The following GABRP variants were observed in gnomAD, a reference collection of about 807,000 sequenced individuals.
The protein encoded by GABRP is gamma-aminobutyric acid receptor subunit pi.
GABRP carries 52 observed loss-of-function variants against 47.8 expected under a neutral mutation model. That is an observed-to-expected ratio of 1.09 (90% CI 0.87 to 1.37). GABRP has a LOEUF of 1.37. Ranked by LOEUF, GABRP falls within the 40% of genes most tolerant of loss-of-function variation. GABRP has a pLI of 0.00. For synonymous variants in GABRP, 221 were observed against 205.8 expected (o/e 1.07, Z -0.63); for missense variants, 525 against 542.8 (o/e 0.97, Z 0.33).
At chr5:170,794,452 A>G (rs1006774237) in intron 4 of GABRP, 154 bp downstream of exon 4, 4 of 455,278 alleles carry the variant, frequency 8.8e-6, no homozygotes, top group Non-Finnish European at 1.6e-5. Flanking sequence ...TGCTATCTCC[A>G]AACTCAAGAC....
intron 8 of GABRP, 141 bp from the exon 9 acceptor site, chr5:170,809,427 C>A: frequency 1.3e-6 from 1 of 754,058 alleles, no homozygotes; most frequent in Non-Finnish European, 2.3e-6. Context: ...TCTAGAAGGT[C>A]GCAGACTTTT....
At chr5:170,800,362 A>C (rs774821812) in intron 6 of GABRP, among the ~76,000 whole-genome samples, 3 of 152,240 alleles carry the variant, frequency 2.0e-5, no homozygotes, top group Non-Finnish European at 4.4e-5. Flanking sequence ...TAAAGACTTA[A>C]ATGTTAGACC....
intron 3 of GABRP, among the ~76,000 whole-genome samples, chr5:170,791,050 C>T (rs919214291): frequency 6.6e-6 from 1 of 152,220 alleles, no homozygotes; most frequent in Non-Finnish European, 1.5e-5. Flanking sequence ...GTCTGCACGC[C>T]TTGGTTAGTG....
intron 1 of GABRP, among the ~76,000 whole-genome samples, chr5:170,786,809 T>G (rs559627297): frequency 1.9e-4 from 29 of 152,224 alleles, no homozygotes; most frequent in Non-Finnish European, 3.8e-4. Flanking sequence ...TATAATTAAG[T>G]TAAAAAAGTA....
chr5:170,800,634 CAATAATAGTAAT>C (rs1174379564), intron 6 of GABRP, among the ~76,000 whole-genome samples: 2 of 152,008 alleles, frequency 1.3e-5, no homozygotes, highest in African/African-American at 4.8e-5. Context: ...TTTTTGTTAA[CAATAATAGTAAT>C]AATAATAGTA....
At chr5:170,790,247 C>A (rs1032316404) in intron 3 of GABRP, among the ~76,000 whole-genome samples, 1 of 152,198 alleles carries the variant, frequency 6.6e-6, no homozygotes, top group Non-Finnish European at 1.5e-5. Context: ...ATTTAACAAA[C>A]CTGAGTTTGG....
intron 3 of GABRP, 108 bp from the exon 4 acceptor site, chr5:170,794,123 C>T: frequency 1.6e-6 from 1 of 633,738 alleles, no homozygotes; most frequent in East Asian, 3.2e-5. Context: ...ATTTTTCTAA[C>T]AACCAAGCAC....
chr5:170,782,874 A>T (rs1765043798), upstream of GABRP: 1 of 152,584 alleles, frequency 6.6e-6, no homozygotes, highest in Non-Finnish European at 1.5e-5. Flanking sequence ...TGCAAGGCCA[A>T]GCCTCCAAGG....
intron 5 of GABRP, among the ~76,000 whole-genome samples, chr5:170,796,031 A>G (rs1765417751): frequency 6.6e-6 from 1 of 152,146 alleles, no homozygotes; most frequent in Non-Finnish European, 1.5e-5. Context: ...CCTTTCACCC[A>G]ATTGTTAATG....
In GABRP at chr5:170,809,629, C is replaced by T. The variant is rs1765829195; in HGVS notation, c.894C>T (p.Asn298=). 1 of 1,614,220 alleles carries T rather than the reference C, an allele frequency of 6.2e-7. No homozygotes were observed. Among genetic ancestry groups the T allele is most frequent in the South Asian group, 1.1e-5 (1 of 91,078 alleles). The change falls in exon 9 of 10, where the codon AAC becomes AAT. Residue 298 remains asparagine, a synonymous_variant. Coordinates refer to ENST00000265294, the MANE Select transcript of GABRP (RefSeq NM_014211.3). The stretch of plus-strand genomic sequence containing the variant: ...TCGGGTCCCGCACTTCTCTTCCCAA[C>T]ACCAACTGCTTCATCAAGGCCATCG... ...LMIGSRTSLP[N]TNCFIKAIDV...
chr5:170,802,607 G>A (rs1290312553), intron 6 of GABRP, among the ~76,000 whole-genome samples: 2 of 152,156 alleles, frequency 1.3e-5, no homozygotes, highest in Admixed American at 6.5e-5. Context: ...TCCGTGTATC[G>A]TGGCTGGGCT....
At chr5:170,787,145 G>T (rs1561805587) in intron 1 of GABRP, among the ~76,000 whole-genome samples, 1 of 152,134 alleles carries the variant, frequency 6.6e-6, no homozygotes, top group Non-Finnish European at 1.5e-5. Flanking sequence ...CACATCATTG[G>T]GACTTATACT....
chr5:170,812,383 G>GCAGAAAGACTCAAA lies in GABRP; in HGVS notation c.*125_*126insCAGAAAGACTCAAA. 1.4e-6 allele frequency: 1 copy of GCAGAAAGACTCAAA among 736,838 alleles called. No individual in the cohort carries two copies. The highest frequency in any genetic ancestry group is 2.2e-6 in the Non-Finnish European group (1 of 449,042). 45.6% of individuals were successfully genotyped at this position (736,838 alleles called of 1,614,324 possible). A position where few individuals can be genotyped will look rare whatever the true frequency, so the allele number is the denominator to read the frequency against. Reference sequence around the variant, plus strand: ...TACAAGTGACTGAAATAATATTTGAGTCTTTCTGCTCAAAGAATGAAGCTC... The same window carrying GCAGAAAGACTCAAA: ...TACAAGTGACTGAAATAATATTTGAGCAGAAAGACTCAAATCTTTCTGCTCAAAGAATGAAGCTC... On this transcript the variant is annotated 3_prime_UTR_variant, in exon 10 of 10. Coordinates refer to ENST00000265294, the MANE Select transcript of GABRP (RefSeq NM_014211.3).
At position 170,789,170 on chromosome 5, in the gene GABRP, G is replaced by A. The variant is rs1446293637; in HGVS notation, c.95G>A (p.Arg32Lys). The A allele has an allele frequency of 5.0e-6, 8 of 1,614,196 alleles. No individual in the cohort carries two copies. The highest frequency in any genetic ancestry group is 6.8e-6 in the Non-Finnish European group (8 of 1,180,016). ...AGTCAGTTCAACGTCGAGGTCGGCAGAAGTGACAAGCTTTCCCTGCCTGGC... is the reference window on the plus strand; with the variant it reads ...AGTCAGTTCAACGTCGAGGTCGGCAAAAGTGACAAGCTTTCCCTGCCTGGC... ...QGSQFNVEVGRSDKLSLPGFE... is the reference protein window; with the variant it reads ...QGSQFNVEVGKSDKLSLPGFE... Residue 32 changes from arginine (R) to lysine (K), a missense_variant, in exon 3 of 10, where the codon AGA becomes AAA. Coordinates refer to ENST00000265294, the MANE Select transcript of GABRP (RefSeq NM_014211.3).
intron 6 of GABRP, among the ~76,000 whole-genome samples, chr5:170,800,688 AT>A (rs1765568423): frequency 6.6e-6 from 1 of 152,178 alleles, no homozygotes; most frequent in Non-Finnish European, 1.5e-5. Flanking sequence ...GCTCACGCCT[AT>A]AATCCCAGCA....
chr5:170,805,307 A>G (rs1765701096), intron 6 of GABRP, among the ~76,000 whole-genome samples: 1 of 152,154 alleles, frequency 6.6e-6, no homozygotes, highest in African/African-American at 2.4e-5. Context: ...ATTTATGCCA[A>G]TATAGAAATA....
At position 170,795,359 on chromosome 5, in the gene GABRP, A is replaced by G. The variant is rs201184257; in HGVS notation, c.392A>G (p.His131Arg). Residue 131 changes from histidine to arginine, a missense_variant, in exon 5 of 10, where the codon CAT becomes CGT. His to Arg is a conservative substitution (Grantham distance 29, BLOSUM62 0). Transcript: ENST00000265294. ...YIVESKKSFL[H>R]EVTVGNRLIR... ...GTGGAGTCCAAGAAGTCCTTCCTCC[A>G]TGAAGTCACTGTGGGAAACAGGCTC... 5.6e-6 allele frequency: 9 copies of G among 1,614,054 alleles called. No homozygotes were observed. The highest frequency in any genetic ancestry group is 2.2e-5 in the East Asian group (1 of 44,842).
intron 6 of GABRP, among the ~76,000 whole-genome samples, chr5:170,805,083 A>C (rs1278202441): frequency 1.3e-5 from 2 of 149,322 alleles, no homozygotes; most frequent in African/African-American, 4.9e-5. Context: ...CAGAAAATGT[A>C]AAGAAATGTC....
chr5:170,812,148 T>C lies in GABRP; in HGVS notation c.1213T>C (p.Tyr405His). The change falls in exon 10 of 10, where the codon TAT becomes CAT. Residue 405 changes from tyrosine to histidine, a missense_variant. Coordinates refer to ENST00000265294, the MANE Select transcript of GABRP (RefSeq NM_014211.3). ...AGAAAAGATGGGCAGGATTGTTGAT[T>C]ATTTCACAATTCAAAACCCCAGTAA... ...FREKMGRIVD[Y>H]FTIQNPSNVD... is the part of the protein sequence containing the mutation. The C allele has an allele frequency of 1.2e-6, 2 of 1,614,158 alleles. No homozygotes were observed. Among genetic ancestry groups the C allele is most frequent in the Non-Finnish European group, 1.7e-6 (2 of 1,180,006 alleles).
Sources: allele counts gnomAD v4.1 joint callset (sites outside exome capture counted in the v4.1 genomes callset), GRCh38; gene constraint gnomAD v4.1.1; transcripts MANE v1.5; gene names NCBI Gene and HGNC (gene_info 2026-07-23, HGNC 2026-07-21).